GRIK2: variants seen among roughly 807,000 people sequenced by gnomAD.
GRIK2 encodes glutamate ionotropic receptor kainate type subunit 2, also known as glutamate receptor ionotropic, kainate 2.
GRIK2 carries 32 observed loss-of-function variants against 100.3 expected under a neutral mutation model. The observed-to-expected ratio is 0.32, with a 90% confidence interval of 0.24 to 0.43. GRIK2 has a LOEUF of 0.43. GRIK2 is among the 20% of genes least tolerant of loss of function. The probability of loss-of-function intolerance (pLI) is 1.00; values close to 1 mark genes in which losing one functional copy is unlikely to be tolerated. For missense variants in GRIK2, 843 were observed against 1,114.9 expected, an observed-to-expected ratio of 0.76 and a Z score of 3.47; for synonymous variants, 417 against 389.4, an observed-to-expected ratio of 1.07 and a Z score of -0.83.
intron 7 of GRIK2, among the ~76,000 whole-genome samples, chr6:101,758,273 A>C (rs986388065): frequency 9.9e-5 from 15 of 152,176 alleles, no homozygotes; most frequent in Non-Finnish European, 1.6e-4. Context: ...GGTTGAGTAT[A>C]AAGTATAGTG....
chr6:101,451,186 G>A lies in GRIK2; in HGVS notation c.115+51794G>A, dbSNP rs1354516141. Among the ~76,000 whole-genome samples the A allele has an allele frequency of 6.6e-5, 10 of 151,598 alleles. No individual in the cohort carries two copies. The East Asian group carries it at 1.5e-3, about 23-fold the overall frequency. The stretch of plus-strand genomic sequence containing the variant: ...TTAATCTTTATGTTTGAGCTCAGTC[G>A]TCATTCCATAGCCTCCTTGATTTCT... On this transcript the variant is annotated intron_variant, in intron 2 of 16. Transcript: ENST00000369134.
chr6:101,523,241 C>T (rs2128282136), intron 2 of GRIK2, among the ~76,000 whole-genome samples: 1 of 152,174 alleles, frequency 6.6e-6, no homozygotes, highest in East Asian at 1.9e-4. Context: ...TTTTGTCAAC[C>T]TCCTCCCTCA....
chr6:101,723,265 T>C (rs1368279160), intron 7 of GRIK2, among the ~76,000 whole-genome samples: 1 of 151,960 alleles, frequency 6.6e-6, no homozygotes, highest in East Asian at 1.9e-4. Context: ...AAAATAAATC[T>C]ATATAAACTG....
chr6:101,671,381 A>G (rs188785342), intron 4 of GRIK2, among the ~76,000 whole-genome samples: 1 of 97,804 alleles, frequency 1.0e-5, no homozygotes, highest in African/African-American at 2.9e-5. Context: ...AAGTACCTAG[A>G]TGTTCCAAAA....
chr6:101,805,956 T>C (rs1294309408), intron 9 of GRIK2, among the ~76,000 whole-genome samples: 2 of 152,010 alleles, frequency 1.3e-5, no homozygotes, highest in Non-Finnish European at 2.9e-5. Context: ...ATGGGCATCC[T>C]TTCTACTTAG....
At chr6:101,697,340 C>CGTGTGT (rs63654860) in intron 7 of GRIK2, among the ~76,000 whole-genome samples, 27 of 146,818 alleles carry the variant, frequency 1.8e-4, no homozygotes, top group African/African-American at 5.5e-4. Context: ...TTAGGGTGTA[C>CGTGTGT]GTGTGTGTGT....
At chr6:101,939,418 G>T (rs935569757) in intron 14 of GRIK2, among the ~76,000 whole-genome samples, 1 of 151,772 alleles carries the variant, frequency 6.6e-6, no homozygotes, top group African/African-American at 2.4e-5. Flanking sequence ...GTTAAATTTC[G>T]GTAGCAGATG....
chr6:101,583,613 G>A (rs1778209100), intron 2 of GRIK2, among the ~76,000 whole-genome samples: 1 of 151,976 alleles, frequency 6.6e-6, no homozygotes, highest in African/African-American at 2.4e-5. Context: ...ATATAGTGAT[G>A]AAAAAAACCT....
chr6:101,979,891 C>T (rs1041735447), intron 14 of GRIK2, among the ~76,000 whole-genome samples: 3 of 151,880 alleles, frequency 2.0e-5, no homozygotes, highest in Admixed American at 6.6e-5. Context: ...GCAGAGAGTA[C>T]GGTATGGGAA....
chr6:101,729,816 C>T (rs916706796), intron 7 of GRIK2, among the ~76,000 whole-genome samples: 34 of 151,764 alleles, frequency 2.2e-4, no homozygotes, highest in African/African-American at 8.0e-4. Context: ...ATTTGTCTAA[C>T]AATATTTGTT....
In GRIK2 at chr6:101,815,877, GA is replaced by G. The variant is rs1338231592; in HGVS notation, c.1204-2490del. Among the ~76,000 whole-genome samples the G allele has an allele frequency of 9.2e-5, 14 of 152,178 alleles. 1 individual carries two copies. The South Asian group carries it at 2.7e-3, about 29-fold the overall frequency. On this transcript the variant is annotated intron_variant, in intron 9 of 16. Coordinates refer to ENST00000369134, the MANE Select transcript of GRIK2 (RefSeq NM_021956.5). The stretch of plus-strand genomic sequence containing the variant: ...CTGAAATGTCATAATATTACGCTAA[GA>G]AAGCTGAGATTTACAAAAGAGGATA...
At chr6:101,948,301 A>G (rs1369305743) in intron 14 of GRIK2, among the ~76,000 whole-genome samples, 1 of 151,178 alleles carries the variant, frequency 6.6e-6, no homozygotes, top group Non-Finnish European at 1.5e-5. Context: ...GATTTGAAGA[A>G]TCTTAGAACT....
intron 10 of GRIK2, among the ~76,000 whole-genome samples, chr6:101,830,724 C>T (rs1782624715): frequency 6.6e-6 from 1 of 151,406 alleles, no homozygotes; most frequent in South Asian, 2.1e-4. Context: ...CCCACAGATG[C>T]TGGTGAGGTG....
At chr6:101,798,070 C>T (rs113409551) in intron 7 of GRIK2, among the ~76,000 whole-genome samples, 85 of 135,370 alleles carry the variant, frequency 6.3e-4, no homozygotes, top group African/African-American at 2.1e-3. Flanking sequence ...AAAAACAAAA[C>T]AATGGATATG....
intron 2 of GRIK2, among the ~76,000 whole-genome samples, chr6:101,553,359 G>A (rs1776600472): frequency 6.6e-6 from 1 of 152,042 alleles, no homozygotes. Context: ...TTGAGTTCCT[G>A]GAACTGTCAT....
chr6:101,840,071 A>G lies in GRIK2; in HGVS notation c.1318-19216A>G, dbSNP rs943128759. Among the ~76,000 whole-genome samples the G allele has an allele frequency of 4.6e-5, 7 of 152,132 alleles. No homozygotes were observed. The East Asian group carries it at 1.2e-3, about 25-fold the overall frequency. ...ATACGTGTTTCAGTACATTTACACT[A>G]TTGGACATTTCTTTCTTCTCCTGAC... On this transcript the variant is annotated intron_variant, in intron 10 of 16. Transcript: ENST00000369134.
intron 14 of GRIK2, among the ~76,000 whole-genome samples, chr6:101,952,054 T>C (rs999407540): frequency 6.6e-6 from 1 of 152,188 alleles, no homozygotes; most frequent in Non-Finnish European, 1.5e-5. Context: ...AGTCATAACC[T>C]TTTTTCTCCC....
At chr6:101,860,959 A>C (rs985246951) in intron 11 of GRIK2, 1 of 894,642 alleles carries the variant, frequency 1.1e-6, no homozygotes, top group African/African-American at 1.8e-5. Context: ...TTTCCCTGAA[A>C]ACATCATCCT....
chr6:101,845,366 A>G (rs1349517605), intron 10 of GRIK2, among the ~76,000 whole-genome samples: 1 of 151,940 alleles, frequency 6.6e-6, no homozygotes, highest in Non-Finnish European at 1.5e-5. Context: ...TTCTCTTTCT[A>G]TGGTTTGCGT....
Sources: allele counts gnomAD v4.1 joint callset (sites outside exome capture counted in the v4.1 genomes callset), GRCh38; gene constraint gnomAD v4.1.1; transcripts MANE v1.5; gene names NCBI Gene and HGNC (gene_info 2026-07-23, HGNC 2026-07-21).